The following RALGPS1 variants were observed in gnomAD, a reference collection of about 807,000 sequenced individuals.
RALGPS1 encodes the protein Ral GEF with PH domain and SH3 binding motif 1.
In RALGPS1, 19 loss-of-function variants were observed where a neutral mutation model predicts 78.8. The observed-to-expected ratio is 0.24, with a 90% CI of 0.17 to 0.35. The LOEUF is 0.35. Among genes scored for constraint, RALGPS1 ranks in the 10% least tolerant of loss-of-function variants. The pLI, the probability that RALGPS1 is intolerant of heterozygous loss-of-function variation, is 1.00. For missense variants in RALGPS1, 454 were observed against 688.3 expected (o/e 0.66, Z 3.81); for synonymous variants, 228 against 256.3 (o/e 0.89, Z 1.06).
chr9:126,976,970 T>G (rs531870766), intron 3 of RALGPS1, among the ~76,000 whole-genome samples: 1 of 152,366 alleles, frequency 6.6e-6, no homozygotes, highest in Admixed American at 6.5e-5. Flanking sequence ...ATTGATGACA[T>G]TGCTGCATCT....
chr9:127,214,655 CTT>C (rs2062471645), intron 17 of RALGPS1, 94 bp from the exon 18 acceptor site: 1 of 1,513,072 alleles, frequency 6.6e-7, no homozygotes, highest in African/African-American at 1.4e-5. Flanking sequence ...GACCTTCCCA[CTT>C]TAGTTACCCG....
intron 1 of RALGPS1, among the ~76,000 whole-genome samples, chr9:126,946,704 C>T (rs903834540): frequency 2.0e-5 from 3 of 151,976 alleles, no homozygotes; most frequent in African/African-American, 7.3e-5. Flanking sequence ...GCACCCAGGG[C>T]TTTTGTGGGT....
chr9:127,172,172 C>G (rs564432733), intron 10 of RALGPS1, among the ~76,000 whole-genome samples: 1 of 152,328 alleles, frequency 6.6e-6, no homozygotes, highest in South Asian at 2.1e-4. Flanking sequence ...CTCACAGGGC[C>G]CGCATGCCCT....
intron 17 of RALGPS1, chr9:127,213,998 C>G (rs973844838): frequency 1.3e-5 from 2 of 152,210 alleles, no homozygotes; most frequent in Non-Finnish European, 2.9e-5. Context: ...ACCAAGTTCT[C>G]TGCTCCGTGT....
intron 1 of RALGPS1, among the ~76,000 whole-genome samples, chr9:126,949,018 A>G (rs1190554697): frequency 2.1e-5 from 3 of 144,940 alleles, no homozygotes; most frequent in Admixed American, 7.0e-5. Flanking sequence ...TCCTGTGTCC[A>G]TGTGTTCTCA....
chr9:126,978,788 G>T (rs1294541733), intron 4 of RALGPS1, among the ~76,000 whole-genome samples: 1 of 152,126 alleles, frequency 6.6e-6, no homozygotes, highest in Non-Finnish European at 1.5e-5. Flanking sequence ...GATTTGACCT[G>T]ATTTGGCCTT....
Position 127,188,832 on chromosome 9 carries a change from T to TTA in RALGPS1, c.911-6259_911-6258insTA, listed in dbSNP as rs756481918. On this transcript the variant is annotated intron_variant, in intron 11 of 18. Transcript: ENST00000259351. The stretch of plus-strand genomic sequence containing the variant: ...AAAGACTAAGAAACCCCATCTCTAC[T>TTA]AAAAAAAAAAAAAAAAATGTAGCCA... 2.5e-3 allele frequency among the ~76,000 whole-genome samples: 221 copies of TTA among 87,372 alleles called. 21 individuals carry two copies. Among genetic ancestry groups the TTA allele is most frequent in the East Asian group, 4.1e-3 (10 of 2,440 alleles). The allele number at this position is 87,372 out of a possible 152,430, so 57.3% of individuals were successfully genotyped here. A position where few individuals can be genotyped will look rare whatever the true frequency, so the allele number is the denominator to read the frequency against.
chr9:127,072,850 G>A (rs1344164288), intron 8 of RALGPS1, among the ~76,000 whole-genome samples: 1 of 152,050 alleles, frequency 6.6e-6, no homozygotes, highest in Non-Finnish European at 1.5e-5. Context: ...AAGTTATCTT[G>A]GTTCCATTTG....
At chr9:127,163,775 A>ATAAC (rs1554851877) in intron 8 of RALGPS1, among the ~76,000 whole-genome samples, 1 of 152,258 alleles carries the variant, frequency 6.6e-6, no homozygotes, top group Non-Finnish European at 1.5e-5. Context: ...TAATGAACAT[A>ATAAC]TAACTCTTAG....
At chr9:126,958,160 C>T (rs56185447) in intron 1 of RALGPS1, among the ~76,000 whole-genome samples, 29,691 of 82,182 alleles carry the variant, frequency 0.36, 5,412 homozygotes, top group Non-Finnish European at 0.53. Context: ...TATATATATA[C>T]ACACACACAC....
intron 14 of RALGPS1, among the ~76,000 whole-genome samples, chr9:127,201,078 G>A (rs529458044): frequency 1.3e-4 from 20 of 152,334 alleles, no homozygotes; most frequent in Non-Finnish European, 2.4e-4. Flanking sequence ...AGGAAGGAGG[G>A]TGGTGAGAAA....
At chr9:127,114,222 T>C (rs1189335955) in intron 8 of RALGPS1, among the ~76,000 whole-genome samples, 2 of 152,232 alleles carry the variant, frequency 1.3e-5, no homozygotes, top group African/African-American at 4.8e-5. Flanking sequence ...TTTATGTTTT[T>C]TATATTTATA....
chr9:127,171,743 T>TG, intron 10 of RALGPS1, among the ~76,000 whole-genome samples: 1 of 152,192 alleles, frequency 6.6e-6, no homozygotes, highest in East Asian at 1.9e-4. Flanking sequence ...TAGGTGACAG[T>TG]GAGACTCCAT....
chr9:127,217,161 A>G (rs1781608348), intron 18 of RALGPS1: 2 of 1,258,436 alleles, frequency 1.6e-6, no homozygotes. Context: ...GGTCAGTTTC[A>G]TGTATTGGCA....
chr9:127,197,599 C>T (rs1440198421), intron 13 of RALGPS1, among the ~76,000 whole-genome samples: 3 of 152,164 alleles, frequency 2.0e-5, no homozygotes, highest in African/African-American at 7.2e-5. Context: ...AATATCAGTC[C>T]AGGGGTCGCT....
At chr9:126,974,114 T>TC (rs1412094321) in intron 3 of RALGPS1, among the ~76,000 whole-genome samples, 2 of 152,166 alleles carry the variant, frequency 1.3e-5, no homozygotes, top group African/African-American at 4.8e-5. Flanking sequence ...CCTCAAGTGA[T>TC]CCGCCAGCTT....
chr9:126,923,440 C>T (rs2034965386), intron 1 of RALGPS1, among the ~76,000 whole-genome samples: 1 of 152,096 alleles, frequency 6.6e-6, no homozygotes. Context: ...GATAAGGTGA[C>T]AGGGCTTCAT....
At chr9:127,025,495 T>C (rs1258937770) in intron 4 of RALGPS1, among the ~76,000 whole-genome samples, 1 of 152,184 alleles carries the variant, frequency 6.6e-6, no homozygotes, top group African/African-American at 2.4e-5. Flanking sequence ...CCCACCTGCT[T>C]TCCTAAATGG....
At chr9:127,033,285 T>C (rs932560909) in intron 4 of RALGPS1, among the ~76,000 whole-genome samples, 3 of 152,242 alleles carry the variant, frequency 2.0e-5, no homozygotes, top group African/African-American at 7.2e-5. Flanking sequence ...CAGGAGCTGC[T>C]GTTGCCTTTA....
Sources: allele counts gnomAD v4.1 joint callset (sites outside exome capture counted in the v4.1 genomes callset), GRCh38; gene constraint gnomAD v4.1.1; transcripts MANE v1.5; gene names NCBI Gene and HGNC (gene_info 2026-07-23, HGNC 2026-07-21).